The following ADGRB3 variants were observed in gnomAD, a reference collection of about 807,000 sequenced individuals.
ADGRB3 encodes adhesion G protein-coupled receptor B3, also known as brain-specific angiogenesis inhibitor 3.
Under a neutral mutation model 193.4 loss-of-function variants are expected in ADGRB3, and 37 were observed. That is an observed-to-expected ratio of 0.19 (90% CI 0.15 to 0.25). ADGRB3 has a LOEUF of 0.25. ADGRB3 is among the 10% of genes least tolerant of loss of function. ADGRB3 has a pLI of 1.00. For missense variants in ADGRB3, 1,637 were observed against 1,852.9 expected, an observed-to-expected ratio of 0.88 and a Z score of 2.14; for synonymous variants, 690 against 644.2, an observed-to-expected ratio of 1.07 and a Z score of -1.08.
chr6:68,878,952 G>C (rs542412244), intron 3 of ADGRB3, among the ~76,000 whole-genome samples: 2 of 152,202 alleles, frequency 1.3e-5, no homozygotes, highest in South Asian at 2.1e-4. Context: ...TCACTATCAG[G>C]AGAACAGCAC....
intron 10 of ADGRB3, among the ~76,000 whole-genome samples, chr6:68,979,347 C>T (rs1768840556): frequency 1.3e-5 from 2 of 151,146 alleles, no homozygotes; most frequent in South Asian, 4.2e-4. Flanking sequence ...TCTCCAGCCC[C>T]CAAATACCTA....
intron 20 of ADGRB3, among the ~76,000 whole-genome samples, chr6:69,240,381 G>A (rs903122469): frequency 2.6e-5 from 4 of 151,988 alleles, no homozygotes; most frequent in South Asian, 2.1e-4. Context: ...AATTACTTTC[G>A]TGTCTTTGAG....
intron 20 of ADGRB3, among the ~76,000 whole-genome samples, chr6:69,308,371 A>G (rs930059620): frequency 6.6e-6 from 1 of 151,474 alleles, no homozygotes; most frequent in Non-Finnish European, 1.5e-5. Flanking sequence ...GTTTATTGCT[A>G]AGTTAAGGGA....
At chr6:69,031,833 A>AT (rs1479299580) in intron 13 of ADGRB3, among the ~76,000 whole-genome samples, 1 of 151,644 alleles carries the variant, frequency 6.6e-6, no homozygotes, top group Non-Finnish European at 1.5e-5. Context: ...CTGGGTTGCC[A>AT]TGTTGCCCAG....
intron 3 of ADGRB3, among the ~76,000 whole-genome samples, chr6:68,826,750 G>T (rs1010835785): frequency 4.6e-5 from 7 of 152,130 alleles, no homozygotes; most frequent in Non-Finnish European, 1.0e-4. Context: ...GTCAGATTCT[G>T]GAAGTATTTT....
intron 20 of ADGRB3, among the ~76,000 whole-genome samples, chr6:69,303,351 C>T (rs1458614025): frequency 6.6e-6 from 1 of 151,804 alleles, no homozygotes. Flanking sequence ...GTGTGCCTGC[C>T]TCTCCTGCCT....
chr6:69,325,606 A>G (rs924254098), intron 21 of ADGRB3, among the ~76,000 whole-genome samples: 1 of 152,196 alleles, frequency 6.6e-6, no homozygotes, highest in Non-Finnish European at 1.5e-5. Flanking sequence ...TGACATGGAC[A>G]TCTCAAAGAT....
chr6:69,193,390 T>A (rs939200174), intron 17 of ADGRB3, among the ~76,000 whole-genome samples: 4 of 152,200 alleles, frequency 2.6e-5, no homozygotes, highest in African/African-American at 9.6e-5. Context: ...GTTGTCTTGA[T>A]GACAAATAAT....
At chr6:68,858,157 G>A (rs557135173) in intron 3 of ADGRB3, among the ~76,000 whole-genome samples, 63 of 152,168 alleles carry the variant, frequency 4.1e-4, no homozygotes, top group African/African-American at 1.4e-3. Context: ...ATACAGTCAG[G>A]CATGATGTTT....
intron 8 of ADGRB3, among the ~76,000 whole-genome samples, chr6:68,974,485 C>T (rs1029793633): frequency 3.3e-5 from 5 of 151,926 alleles, no homozygotes; most frequent in South Asian, 2.1e-4. Context: ...AACAAAAAAT[C>T]GGCCAGATGT....
intron 20 of ADGRB3, among the ~76,000 whole-genome samples, chr6:69,293,410 G>C (rs933895738): frequency 2.6e-5 from 4 of 151,996 alleles, no homozygotes; most frequent in Admixed American, 6.6e-5. Context: ...TTTCTGAATG[G>C]GGACACTAGT....
intron 20 of ADGRB3, among the ~76,000 whole-genome samples, chr6:69,312,138 T>C (rs899136421): frequency 1.1e-4 from 16 of 151,704 alleles, no homozygotes; most frequent in African/African-American, 3.9e-4. Flanking sequence ...CTTTCCCTGA[T>C]AATCTGGGAA....
chr6:69,036,502 G>T (rs755802792), intron 13 of ADGRB3, among the ~76,000 whole-genome samples: 1 of 151,936 alleles, frequency 6.6e-6, no homozygotes, highest in Admixed American at 6.6e-5. Flanking sequence ...ATCTTAGCAC[G>T]TAACAATATA....
At chr6:69,002,033 C>G (rs1769593259) in intron 11 of ADGRB3, among the ~76,000 whole-genome samples, 1 of 152,142 alleles carries the variant, frequency 6.6e-6, no homozygotes, top group South Asian at 2.1e-4. Flanking sequence ...ACTTGTTTAT[C>G]TGATACATCC....
At chr6:69,064,676 C>A (rs1329313996) in intron 16 of ADGRB3, among the ~76,000 whole-genome samples, 1 of 152,008 alleles carries the variant, frequency 6.6e-6, no homozygotes, top group African/African-American at 2.4e-5. Flanking sequence ...TATAGAATTA[C>A]TGAAGAAGCA....
chr6:69,057,087 T>C (rs1771565869), intron 15 of ADGRB3, among the ~76,000 whole-genome samples: 1 of 152,058 alleles, frequency 6.6e-6, no homozygotes, highest in Admixed American at 6.6e-5. Flanking sequence ...TTCAGAAATG[T>C]TTTATAGTTT....
At chr6:69,275,424 T>C (rs1476407816) in intron 20 of ADGRB3, among the ~76,000 whole-genome samples, 2 of 152,170 alleles carry the variant, frequency 1.3e-5, no homozygotes, top group Non-Finnish European at 2.9e-5. Flanking sequence ...CAACTGTGAT[T>C]CCTCATTGGC....
intron 3 of ADGRB3, among the ~76,000 whole-genome samples, chr6:68,916,033 A>C (rs551478822): frequency 2.5e-4 from 38 of 152,170 alleles, no homozygotes; most frequent in East Asian, 9.6e-4. Context: ...TATGCAGAAG[A>C]AGCAGCAGAT....
chr6:69,169,293 G>GT (rs1775211418), intron 17 of ADGRB3, among the ~76,000 whole-genome samples: 1 of 151,974 alleles, frequency 6.6e-6, no homozygotes, highest in Non-Finnish European at 1.5e-5. Context: ...CATCTAGCAA[G>GT]TATAAAGTTC....
Sources: gnomAD v4.1 joint callset for allele counts (sites outside exome capture counted in the v4.1 genomes callset) on GRCh38, gnomAD v4.1.1 for gene constraint, MANE v1.5 for transcripts, NCBI Gene and HGNC (gene_info 2026-07-23, HGNC 2026-07-21) for gene names.